OTULINL: variants seen among roughly 807,000 people sequenced by gnomAD.
OTULINL encodes the protein inactive ubiquitin thioesterase OTULINL.
In OTULINL, 42 loss-of-function variants were observed where a neutral mutation model predicts 43.9. That is an observed-to-expected ratio of 0.96 (90% CI 0.75 to 1.24). The LOEUF is 1.24. Ranked by LOEUF, OTULINL falls within the 50% of genes most tolerant of loss-of-function variation. The pLI, the probability that OTULINL is intolerant of heterozygous loss-of-function variation, is 0.00. For synonymous variants in OTULINL, 172 were observed against 153.6 expected, an observed-to-expected ratio of 1.12 and a Z score of -0.88; for missense variants, 411 against 426.4, an observed-to-expected ratio of 0.96 and a Z score of 0.32.
intron 1 of OTULINL, among the ~76,000 whole-genome samples, chr5:14,589,407 T>G (rs974609043): frequency 6.6e-6 from 1 of 151,988 alleles, no homozygotes; most frequent in African/African-American, 2.4e-5. Context: ...AGGCGTGAGC[T>G]CTAGGAGGAA....
rs1351215094 is a variant in OTULINL at position 14,611,031 on chromosome 5, A to AG, written c.*718dup. 2 of 152,184 alleles carry AG rather than the reference A, an allele frequency of 1.3e-5. No homozygotes were observed. The highest frequency in any genetic ancestry group is 2.9e-5 in the Non-Finnish European group (2 of 68,034). The allele number at this position is 152,184 out of a possible 1,614,324, so 9.4% of individuals were successfully genotyped here. A position where few individuals can be genotyped will look rare whatever the true frequency, so the allele number is the denominator to read the frequency against. ...TTATTTAGATTTTTTAAAATTCTGTAGATTAAAGCAAATGACAGTTATTGA... is the reference window on the plus strand; with the variant it reads ...TTATTTAGATTTTTTAAAATTCTGTAGGATTAAAGCAAATGACAGTTATTGA... On this transcript the variant is annotated 3_prime_UTR_variant, in exon 8 of 8. Transcript: ENST00000274217.
rs200679322 is a variant in OTULINL at position 14,610,114 on chromosome 5, G to A, written c.898-27G>A. 7.4e-4 allele frequency: 1,179 copies of A among 1,601,682 alleles called. 19 individuals are homozygous for A. In the South Asian group the frequency reaches 0.012, roughly 17 times the overall value. ...GGCAGGAATTTGCAAGTGTGTATCT[G>A]TGACCTGTCTTTCATCTCATCCACA... On this transcript the variant is annotated intron_variant, in intron 7 of 7. Transcript: ENST00000274217.
At chr5:14,583,189 T>A (rs1036655558) in intron 1 of OTULINL, among the ~76,000 whole-genome samples, 7 of 152,216 alleles carry the variant, frequency 4.6e-5, no homozygotes, top group Non-Finnish European at 1.0e-4. Flanking sequence ...AACAGCACCT[T>A]TCTGGGAGTC....
At chr5:14,585,693 T>C (rs576094085) in intron 1 of OTULINL, among the ~76,000 whole-genome samples, 2 of 152,338 alleles carry the variant, frequency 1.3e-5, no homozygotes, top group South Asian at 2.1e-4. Flanking sequence ...GATAATGTTA[T>C]ATAATCTTTA....
At chr5:14,598,239 A>T (rs1759321162) in intron 1 of OTULINL, among the ~76,000 whole-genome samples, 1 of 152,232 alleles carries the variant, frequency 6.6e-6, no homozygotes, top group African/African-American at 2.4e-5. Flanking sequence ...AGCCCTTCAC[A>T]TCCACCCACA....
In OTULINL at chr5:14,581,807, G is replaced by A. The variant is rs1022075213; in HGVS notation, c.-88G>A. The A allele has an allele frequency of 4.5e-6, 5 of 1,121,146 alleles. No homozygotes were observed. In the Middle Eastern group the frequency reaches 1.0e-3, roughly 228 times the overall value. The allele number at this position is 1,121,146 out of a possible 1,614,324, so 69.4% of individuals were successfully genotyped here. A position where few individuals can be genotyped will look rare whatever the true frequency, so the allele number is the denominator to read the frequency against. On this transcript the variant is annotated 5_prime_UTR_variant, in exon 1 of 8. Transcript: ENST00000274217. ...TCCCCAGCCCGCCTCAGGGAAGCGA[G>A]CCCGGGCGCCGGCGGGCGGCCGTCG...
At chr5:14,602,403 G>A (rs1759404356) in intron 5 of OTULINL, 71 bp downstream of exon 5, 2 of 1,438,938 alleles carry the variant, frequency 1.4e-6, no homozygotes, top group Non-Finnish European at 1.9e-6. Flanking sequence ...CCTAGTCTTT[G>A]GGGGCTTTGT....
At chr5:14,609,524 A>G (rs529184171) in intron 7 of OTULINL, among the ~76,000 whole-genome samples, 1 of 152,174 alleles carries the variant, frequency 6.6e-6, no homozygotes, top group Non-Finnish European at 1.5e-5. Context: ...TATAAAACTG[A>G]TTGAATGATA....
intron 6 of OTULINL, among the ~76,000 whole-genome samples, chr5:14,608,442 A>G (rs978708512): frequency 1.3e-5 from 2 of 152,210 alleles, no homozygotes; most frequent in Non-Finnish European, 2.9e-5. Flanking sequence ...TTATAAGAGT[A>G]GCAGGTCCAT....
intron 7 of OTULINL, among the ~76,000 whole-genome samples, chr5:14,609,654 G>A (rs1388486647): frequency 1.8e-5 from 2 of 112,024 alleles, no homozygotes; most frequent in African/African-American, 3.7e-5. Flanking sequence ...TTTTTGAGAC[G>A]GAGTCTCGTT....
chr5:14,590,350 G>A (rs1443168507), intron 1 of OTULINL, among the ~76,000 whole-genome samples: 1 of 152,192 alleles, frequency 6.6e-6, no homozygotes, highest in Non-Finnish European at 1.5e-5. Flanking sequence ...CCAGGGTCCT[G>A]GGGGTCTTGA....
rs1169966456 is a variant in OTULINL, at chr5:14,615,150, C to T, written c.*4836C>T. On this transcript the variant is annotated 3_prime_UTR_variant, in exon 8 of 8. Coordinates refer to ENST00000274217, the MANE Select transcript of OTULINL (RefSeq NM_019018.3). Reference sequence around the variant, plus strand: ...AGGTGCATGAGGCACCAATCAGTGACACTGGAATGCTTTAAGGATGGTTTG... The same window carrying T: ...AGGTGCATGAGGCACCAATCAGTGATACTGGAATGCTTTAAGGATGGTTTG... The T allele has an allele frequency of 6.0e-6, 1 of 165,802 alleles. No individual in the cohort carries two copies. Among genetic ancestry groups the T allele is most frequent in the Non-Finnish European group, 1.3e-5 (1 of 77,418 alleles). 10.3% of individuals were successfully genotyped at this position (165,802 alleles called of 1,614,324 possible).
chr5:14,589,662 A>G lies in OTULINL; in HGVS notation c.64+7704A>G, dbSNP rs942308559. Among the ~76,000 whole-genome samples the G allele has an allele frequency of 8.5e-5, 13 of 152,298 alleles. No individual in the cohort carries two copies. In the East Asian group the frequency reaches 1.2e-3, roughly 14 times the overall value. ...AGGTTCCTTTCTTTATTAATTTCAG[A>G]GAAGTTGGCCAAGCACGGTGGCTCA... On this transcript the variant is annotated intron_variant, in intron 1 of 7. Transcript: ENST00000274217.
At chr5:14,607,924 G>A (rs1368032443) in intron 6 of OTULINL, among the ~76,000 whole-genome samples, 2 of 152,138 alleles carry the variant, frequency 1.3e-5, no homozygotes, top group Admixed American at 6.5e-5. Context: ...GTTACCTTGG[G>A]AAATAACCTT....
At chr5:14,582,038 G>A (rs1759009579) in intron 1 of OTULINL, 80 bp downstream of exon 1, 4 of 1,045,742 alleles carry the variant, frequency 3.8e-6, no homozygotes, top group Non-Finnish European at 4.9e-6. Context: ...GGCAGCCAGG[G>A]ACGCGCCCTC....
chr5:14,582,579 C>T (rs1018393360), intron 1 of OTULINL, among the ~76,000 whole-genome samples: 5 of 152,156 alleles, frequency 3.3e-5, no homozygotes, highest in South Asian at 2.1e-4. Flanking sequence ...GCGGATCACG[C>T]GGTCAGGAGT....
At chr5:14,584,943 T>G (rs1381098102) in intron 1 of OTULINL, among the ~76,000 whole-genome samples, 1 of 152,158 alleles carries the variant, frequency 6.6e-6, no homozygotes, top group Non-Finnish European at 1.5e-5. Context: ...CTGGTGGAAC[T>G]TCTGTGATCA....
chr5:14,615,247 C>A lies in OTULINL; in HGVS notation c.*4933C>A, dbSNP rs1416360855. Among the ~76,000 whole-genome samples, 1 of 152,190 alleles carries A rather than the reference C, an allele frequency of 6.6e-6. No individual in the cohort carries two copies. Among genetic ancestry groups the A allele is most frequent in the Non-Finnish European group, 1.5e-5 (1 of 68,038 alleles). On this transcript the variant is annotated 3_prime_UTR_variant, in exon 8 of 8. Coordinates refer to ENST00000274217, the MANE Select transcript of OTULINL (RefSeq NM_019018.3). ...GCCAAACACAAATGGCTGAGACACT[C>A]CTGGCCCATTTCTTGTCATCGCTGC...
intron 1 of OTULINL, among the ~76,000 whole-genome samples, chr5:14,592,732 G>A (rs1415688745): frequency 6.6e-6 from 1 of 152,172 alleles, no homozygotes; most frequent in Non-Finnish European, 1.5e-5. Flanking sequence ...GAATCAGACT[G>A]GTTCTTCATA....
Sources: allele counts gnomAD v4.1 joint callset (sites outside exome capture counted in the v4.1 genomes callset), GRCh38; gene constraint gnomAD v4.1.1; transcripts MANE v1.5; gene names NCBI Gene and HGNC (gene_info 2026-07-23, HGNC 2026-07-21).